The following ZFHX3 variants were observed in gnomAD, a reference collection of about 807,000 sequenced individuals.
ZFHX3 encodes zinc finger homeobox protein 3.
Under a neutral mutation model 279.1 loss-of-function variants are expected in ZFHX3, and 42 were observed. That is an observed-to-expected ratio of 0.15 (90% CI 0.12 to 0.19). The LOEUF is 0.19. Ranked by LOEUF, ZFHX3 falls within the 10% of genes least tolerant of loss-of-function variation. ZFHX3 has a pLI of 1.00. For missense variants in ZFHX3, 4,981 were observed against 4,754.0 expected (o/e 1.05, Z -1.40); for synonymous variants, 2,293 against 1,957.8 (o/e 1.17, Z -4.52).
At chr16:73,865,445 T>C (rs563774809) in intron 1 of ZFHX3, among the ~76,000 whole-genome samples, 58 of 152,296 alleles carry the variant, frequency 3.8e-4, no homozygotes, top group Middle Eastern at 3.4e-3. Context: ...CTGCACGCCA[T>C]GTGTTCATTG....
intron 3 of ZFHX3, among the ~76,000 whole-genome samples, chr16:72,926,044 A>G (rs2144262653): frequency 6.6e-6 from 1 of 152,348 alleles, no homozygotes; most frequent in South Asian, 2.1e-4. Flanking sequence ...AAATTCTGTG[A>G]TCTATTTAAA....
intron 1 of ZFHX3, among the ~76,000 whole-genome samples, chr16:73,788,448 G>A (rs1449690722): frequency 1.3e-5 from 2 of 152,142 alleles, no homozygotes; most frequent in African/African-American, 4.8e-5. Flanking sequence ...GTTGGGGGTA[G>A]GTGAATACCC....
chr16:73,778,144 G>A (rs962705771), intron 1 of ZFHX3, among the ~76,000 whole-genome samples: 1 of 147,710 alleles, frequency 6.8e-6, no homozygotes, highest in South Asian at 2.1e-4. Flanking sequence ...CCCATGCTGA[G>A]GAAGAGAAAT....
At chr16:73,447,470 CA>C (rs1391911459) in intron 3 of ZFHX3, among the ~76,000 whole-genome samples, 1 of 152,088 alleles carries the variant, frequency 6.6e-6, no homozygotes, top group Admixed American at 6.5e-5. Flanking sequence ...CGGAGAAAAG[CA>C]AGCCAAGGGG....
At chr16:73,521,239 C>G (rs1035561324) in intron 2 of ZFHX3, among the ~76,000 whole-genome samples, 13 of 152,152 alleles carry the variant, frequency 8.5e-5, no homozygotes, top group African/African-American at 2.4e-4. Context: ...GGTTCTGCCA[C>G]TTTCTTGTGG....
chr16:72,935,048 T>C (rs538973838), intron 3 of ZFHX3, among the ~76,000 whole-genome samples: 1 of 152,232 alleles, frequency 6.6e-6, no homozygotes, highest in Non-Finnish European at 1.5e-5. Context: ...ACAATTTCTG[T>C]TTTAGTCAAA....
intron 3 of ZFHX3, among the ~76,000 whole-genome samples, chr16:72,904,701 C>T (rs117300136): frequency 4.3e-4 from 66 of 152,272 alleles, no homozygotes; most frequent in Non-Finnish European, 8.1e-4. Context: ...ACATCTCCTA[C>T]GGCAGGCTGG....
intron 2 of ZFHX3, among the ~76,000 whole-genome samples, chr16:73,624,535 A>G (rs1409882947): frequency 6.6e-6 from 1 of 152,136 alleles, no homozygotes; most frequent in Non-Finnish European, 1.5e-5. Flanking sequence ...AACCATCAAC[A>G]TTATGAATTA....
chr16:73,241,426 G>T (rs1415391991), intron 5 of ZFHX3, among the ~76,000 whole-genome samples: 2 of 152,154 alleles, frequency 1.3e-5, no homozygotes, highest in African/African-American at 4.8e-5. Context: ...GTCAGGAAAG[G>T]GGGTCACTCA....
chr16:72,828,826 C>G (rs2036994291), intron 5 of ZFHX3, among the ~76,000 whole-genome samples: 1 of 152,102 alleles, frequency 6.6e-6, no homozygotes, highest in South Asian at 2.1e-4. Context: ...CCTCAGTCCC[C>G]CAAGCAGCTG....
At chr16:73,891,347 C>T (rs1411703767) in intron 1 of ZFHX3, among the ~76,000 whole-genome samples, 1 of 152,056 alleles carries the variant, frequency 6.6e-6, no homozygotes, top group Non-Finnish European at 1.5e-5. Flanking sequence ...TACACACATA[C>T]ACGTGTCAGC....
chr16:73,866,555 C>T (rs540996030), intron 1 of ZFHX3, among the ~76,000 whole-genome samples: 1 of 152,228 alleles, frequency 6.6e-6, no homozygotes, highest in South Asian at 2.1e-4. Flanking sequence ...AGAGTTTGGG[C>T]CTCAAATTAT....
intron 2 of ZFHX3, among the ~76,000 whole-genome samples, chr16:73,471,824 G>T (rs1330719821): frequency 6.6e-6 from 1 of 152,188 alleles, no homozygotes; most frequent in Admixed American, 6.5e-5. Flanking sequence ...TGAGGAAGCT[G>T]CTTGAATCTT....
intron 3 of ZFHX3, among the ~76,000 whole-genome samples, chr16:73,398,608 T>C (rs1446720042): frequency 1.3e-5 from 2 of 152,206 alleles, no homozygotes; most frequent in East Asian, 3.8e-4. Context: ...GGAGGATCTC[T>C]AAAAATTTTT....
At chr16:73,129,379 GACACACACACAC>G (rs59666622) in intron 7 of ZFHX3, among the ~76,000 whole-genome samples, 8 of 137,822 alleles carry the variant, frequency 5.8e-5, no homozygotes, top group South Asian at 2.4e-4. Flanking sequence ...CAGAGACTCT[GACACACACACAC>G]ACACACACAC....
intron 3 of ZFHX3, among the ~76,000 whole-genome samples, chr16:73,333,366 C>T (rs1019369658): frequency 6.6e-6 from 1 of 151,978 alleles, no homozygotes; most frequent in Non-Finnish European, 1.5e-5. Context: ...TACATAGACA[C>T]ATAATAGACA....
chr16:73,155,778 G>C (rs775755964), intron 5 of ZFHX3, among the ~76,000 whole-genome samples: 1 of 152,026 alleles, frequency 6.6e-6, no homozygotes, highest in African/African-American at 2.4e-5. Flanking sequence ...AGCCGAGATC[G>C]CGCCATTGCA....
At chr16:72,883,912 T>C (rs2038558815) in intron 4 of ZFHX3, among the ~76,000 whole-genome samples, 2 of 152,206 alleles carry the variant, frequency 1.3e-5, no homozygotes, top group South Asian at 4.1e-4. Context: ...AGAAAGAGCG[T>C]GGGTGTGCTG....
intron 3 of ZFHX3, among the ~76,000 whole-genome samples, chr16:73,415,520 A>G (rs2017554126): frequency 6.6e-6 from 1 of 152,222 alleles, no homozygotes; most frequent in Non-Finnish European, 1.5e-5. Context: ...TTCAAGGGCC[A>G]GGCAAAGATA....
Sources: allele counts gnomAD v4.1 joint callset (sites outside exome capture counted in the v4.1 genomes callset), GRCh38; gene constraint gnomAD v4.1.1; transcripts MANE v1.5; gene names NCBI Gene and HGNC (gene_info 2026-07-23, HGNC 2026-07-21).